CSMD1: variants seen among roughly 807,000 people sequenced by gnomAD.
The protein encoded by CSMD1 is CUB and Sushi multiple domains 1, also known as CUB and sushi domain-containing protein 1.
In CSMD1, 213 loss-of-function variants were observed where a neutral mutation model predicts 417.5. The observed-to-expected ratio is 0.51, with a 90% CI of 0.46 to 0.57. The LOEUF (loss-of-function observed/expected upper bound fraction) is 0.57, where lower values mean the gene tolerates loss of function less well. Ranked by LOEUF, CSMD1 falls within the 20% of genes least tolerant of loss-of-function variation. CSMD1 has a pLI of 0.00. For synonymous variants in CSMD1, 2,862 were observed against 1,736.8 expected (o/e 1.65, Z -16.11); for missense variants, 6,923 against 4,529.7 (o/e 1.53, Z -15.17).
chr8:2,984,913 CA>C (rs1205508921), intron 54 of CSMD1, among the ~76,000 whole-genome samples: 1 of 152,194 alleles, frequency 6.6e-6, no homozygotes, highest in Non-Finnish European at 1.5e-5. Flanking sequence ...ATCACCTGGA[CA>C]AGAGGTTTAC....
intron 3 of CSMD1, among the ~76,000 whole-genome samples, chr8:4,074,297 T>C (rs977540853): frequency 1.3e-5 from 2 of 151,954 alleles, no homozygotes; most frequent in African/African-American, 4.8e-5. Flanking sequence ...AGCTAAACAA[T>C]GAAAGAAAAT....
chr8:4,659,627 T>C, intron 1 of CSMD1, among the ~76,000 whole-genome samples: 1 of 151,940 alleles, frequency 6.6e-6, no homozygotes. Context: ...ATTGCCAGAG[T>C]CTAGGCCATT....
chr8:3,193,730 G>A (rs1249554754), intron 33 of CSMD1, among the ~76,000 whole-genome samples: 5 of 152,144 alleles, frequency 3.3e-5, no homozygotes, highest in Non-Finnish European at 7.4e-5. Flanking sequence ...CCAGACAACC[G>A]TGTTTCTTCA....
chr8:4,290,741 C>G (rs953706945), intron 3 of CSMD1, among the ~76,000 whole-genome samples: 1 of 152,182 alleles, frequency 6.6e-6, no homozygotes, highest in African/African-American at 2.4e-5. Context: ...ATCTCCCTAT[C>G]TGTAGTTTCA....
chr8:4,041,640 AGAAGAAAAC>A (rs1388404019), intron 3 of CSMD1, among the ~76,000 whole-genome samples: 1 of 152,350 alleles, frequency 6.6e-6, no homozygotes, highest in Admixed American at 6.5e-5. Context: ...ATCCATAAGA[AGAAGAAAAC>A]TCAATCAATG....
At chr8:3,407,552 T>G (rs919344482) in intron 14 of CSMD1, among the ~76,000 whole-genome samples, 1 of 151,082 alleles carries the variant, frequency 6.6e-6, no homozygotes, top group Non-Finnish European at 1.5e-5. Context: ...AATGGAAGAA[T>G]AGATGGAATA....
At chr8:4,438,403 G>A (rs372851226) in intron 2 of CSMD1, among the ~76,000 whole-genome samples, 1 of 152,142 alleles carries the variant, frequency 6.6e-6, no homozygotes, top group South Asian at 2.1e-4. Context: ...TACAGTTGAA[G>A]TTGGTGGATA....
chr8:4,811,805 G>T (rs1249540887), intron 1 of CSMD1, among the ~76,000 whole-genome samples: 10 of 151,924 alleles, frequency 6.6e-5, no homozygotes, highest in African/African-American at 2.4e-4. Flanking sequence ...ACCAAGTTTT[G>T]CATAGACATA....
intron 1 of CSMD1, among the ~76,000 whole-genome samples, chr8:4,827,613 G>C (rs948038250): frequency 6.6e-5 from 10 of 152,160 alleles, no homozygotes; most frequent in African/African-American, 1.9e-4. Context: ...TTGTGTCTCA[G>C]AAAGATTGAA....
At chr8:4,325,681 G>C (rs928218046) in intron 3 of CSMD1, among the ~76,000 whole-genome samples, 1 of 152,100 alleles carries the variant, frequency 6.6e-6, no homozygotes, top group Non-Finnish European at 1.5e-5. Flanking sequence ...TCTAGGGCCA[G>C]AAAGCGAGAT....
At chr8:3,344,680 G>A (rs766572296) in intron 22 of CSMD1, among the ~76,000 whole-genome samples, 8 of 152,148 alleles carry the variant, frequency 5.3e-5, no homozygotes, top group Admixed American at 1.3e-4. Flanking sequence ...CTCTTCCAAT[G>A]TGTTTGTCTA....
chr8:4,150,822 AGGGAG>A (rs531046520), intron 3 of CSMD1, among the ~76,000 whole-genome samples: 20 of 152,246 alleles, frequency 1.3e-4, no homozygotes, highest in African/African-American at 4.8e-4. Context: ...GGGAGAAGAC[AGGGAG>A]GGACAGAATA....
intron 3 of CSMD1, among the ~76,000 whole-genome samples, chr8:4,195,540 T>A (rs1418862013): frequency 1.3e-5 from 2 of 152,164 alleles, no homozygotes; most frequent in African/African-American, 2.4e-5. Context: ...TGAGAAAGAC[T>A]TGTGATGTGC....
At chr8:4,721,526 TGTTA>T (rs1212419731) in intron 1 of CSMD1, among the ~76,000 whole-genome samples, 2 of 152,308 alleles carry the variant, frequency 1.3e-5, no homozygotes, top group East Asian at 3.9e-4. Context: ...ACCTCACATC[TGTTA>T]GTATGGCTAT....
chr8:3,892,113 T>C (rs1320561640), intron 5 of CSMD1, among the ~76,000 whole-genome samples: 1 of 147,628 alleles, frequency 6.8e-6, no homozygotes, highest in African/African-American at 2.4e-5. Flanking sequence ...GCAGGACAGA[T>C]ACATAAGCTC....
intron 7 of CSMD1, among the ~76,000 whole-genome samples, chr8:3,656,476 G>C (rs1392906012): frequency 6.6e-6 from 1 of 152,124 alleles, no homozygotes; most frequent in African/African-American, 2.4e-5. Flanking sequence ...ACAGAAATCT[G>C]CATCTGAAGC....
intron 15 of CSMD1, among the ~76,000 whole-genome samples, chr8:3,400,898 T>C (rs1018141040): frequency 1.3e-5 from 2 of 151,384 alleles, no homozygotes; most frequent in African/African-American, 2.4e-5. Flanking sequence ...AGCAGGGTAA[T>C]TTTTATTAAC....
At chr8:3,750,840 G>GC (rs1485548356) in intron 6 of CSMD1, among the ~76,000 whole-genome samples, 3 of 152,276 alleles carry the variant, frequency 2.0e-5, no homozygotes, top group Admixed American at 6.5e-5. Context: ...TCTAGAATCA[G>GC]CAACAGCAAC....
At chr8:3,287,674 G>C (rs1029440143) in intron 25 of CSMD1, among the ~76,000 whole-genome samples, 29 of 152,170 alleles carry the variant, frequency 1.9e-4, no homozygotes, top group African/African-American at 7.0e-4. Context: ...CTTTGCTGAA[G>C]TTGCCCATCA....
Sources: gnomAD v4.1 joint callset for allele counts (sites outside exome capture counted in the v4.1 genomes callset) on GRCh38, gnomAD v4.1.1 for gene constraint, MANE v1.5 for transcripts, NCBI Gene and HGNC (gene_info 2026-07-23, HGNC 2026-07-21) for gene names.